CTNNBL1: variants seen among roughly 807,000 people sequenced by gnomAD.
CTNNBL1 encodes beta-catenin-like protein 1.
A neutral mutation model predicts 72.7 loss-of-function variants in CTNNBL1; 31 were observed. The observed-to-expected ratio is 0.43, with a 90% CI of 0.32 to 0.58. The LOEUF (loss-of-function observed/expected upper bound fraction) is 0.58, where lower values mean the gene tolerates loss of function less well. Ranked by LOEUF, CTNNBL1 falls within the 20% of genes least tolerant of loss-of-function variation. CTNNBL1 has a pLI of 0.08. For missense variants in CTNNBL1, 534 were observed against 725.1 expected (o/e 0.74, Z 3.03); for synonymous variants, 240 against 267.3 (o/e 0.90, Z 1.00).
At chr20:37,759,635 A>G (rs1382875374) in intron 5 of CTNNBL1, among the ~76,000 whole-genome samples, 1 of 152,028 alleles carries the variant, frequency 6.6e-6, no homozygotes, top group Non-Finnish European at 1.5e-5. Context: ...TATTTTTATT[A>G]TTATTATATT....
chr20:37,701,499 A>G (rs2072841996), intron 1 of CTNNBL1, among the ~76,000 whole-genome samples: 1 of 152,224 alleles, frequency 6.6e-6, no homozygotes. Context: ...CTCTATGAAT[A>G]AAAGTATTAT....
intron 11 of CTNNBL1, among the ~76,000 whole-genome samples, chr20:37,804,135 G>T (rs2071931210): frequency 6.6e-6 from 1 of 152,112 alleles, no homozygotes; most frequent in Non-Finnish European, 1.5e-5. Context: ...CAAATACTGT[G>T]GCCTAGAGAC....
chr20:37,776,534 A>G (rs1463720437), intron 7 of CTNNBL1, among the ~76,000 whole-genome samples: 1 of 152,206 alleles, frequency 6.6e-6, no homozygotes, highest in East Asian at 1.9e-4. Flanking sequence ...TTTAAGGATC[A>G]TGGGCACCAT....
At chr20:37,694,433 C>T (rs1321017164) in intron 1 of CTNNBL1, among the ~76,000 whole-genome samples, 1 of 152,048 alleles carries the variant, frequency 6.6e-6, no homozygotes, top group Non-Finnish European at 1.5e-5. Flanking sequence ...CTTTTTTTCA[C>T]AACCATGTCC....
intron 4 of CTNNBL1, chr20:37,751,581 CAG>C (rs1356915635): frequency 6.6e-6 from 1 of 152,160 alleles, no homozygotes; most frequent in Non-Finnish European, 1.5e-5. Context: ...TTTAGACCAA[CAG>C]GGATCAACTG....
chr20:37,860,281 AG>A lies in CTNNBL1; in HGVS notation c.1543del (p.Val515PhefsTer5). 6.2e-7 allele frequency: 1 copy of A among 1,614,072 alleles called. No individual in the cohort carries two copies. The highest frequency in any genetic ancestry group is 8.5e-7 in the Non-Finnish European group (1 of 1,179,912). ...CNANVPQIRQ[R>X]VHQILNMRGS... ...TTTTTTCCCTTATTAGATTCGCCAG[AG>A]GGTTCACCAGATCCTAAACATGCGA... is the stretch of plus-strand genomic sequence containing the variant. On this transcript the variant is annotated frameshift_variant, in exon 15 of 16. Coordinates refer to ENST00000361383, the MANE Select transcript of CTNNBL1 (RefSeq NM_030877.5). LOFTEE classifies it high-confidence loss of function.
chr20:37,867,052 G>A (rs1442449463), intron 15 of CTNNBL1, among the ~76,000 whole-genome samples: 5 of 152,158 alleles, frequency 3.3e-5, no homozygotes, highest in Non-Finnish European at 7.4e-5. Context: ...CTCTGTAAGT[G>A]GGTTTCATTT....
chr20:37,727,839 G>A (rs1321293919), intron 1 of CTNNBL1, among the ~76,000 whole-genome samples: 1 of 152,154 alleles, frequency 6.6e-6, no homozygotes, highest in Non-Finnish European at 1.5e-5. Context: ...TCCCTTTGGT[G>A]AAATCAGTTT....
intron 15 of CTNNBL1, among the ~76,000 whole-genome samples, chr20:37,863,584 C>T (rs1368328019): frequency 6.6e-6 from 1 of 152,102 alleles, no homozygotes; most frequent in African/African-American, 2.4e-5. Context: ...ATGCAGTGGC[C>T]TTGGGGAGGA....
At chr20:37,862,194 G>A (rs764164251) in intron 15 of CTNNBL1, among the ~76,000 whole-genome samples, 2 of 152,130 alleles carry the variant, frequency 1.3e-5, no homozygotes, top group Non-Finnish European at 2.9e-5. Flanking sequence ...TCAGATTCGC[G>A]TGAATTACTG....
At chr20:37,718,570 C>T (rs577988315) in intron 1 of CTNNBL1, among the ~76,000 whole-genome samples, 20 of 142,868 alleles carry the variant, frequency 1.4e-4, no homozygotes, top group South Asian at 6.9e-4. Flanking sequence ...CCCGACAGGG[C>T]GGATGGCCGG....
At position 37,854,571 on chromosome 20, in the gene CTNNBL1, A is replaced by G. The variant is rs568385342; in HGVS notation, c.1393-5328A>G. Among the ~76,000 whole-genome samples, 4 of 140,470 alleles carry G rather than the reference A, an allele frequency of 2.8e-5. No individual in the cohort carries two copies. In the South Asian group the frequency reaches 1.0e-3, roughly 36 times the overall value. 92.2% of individuals were successfully genotyped at this position (140,470 alleles called of 152,430 possible). A position where few individuals can be genotyped will look rare whatever the true frequency, so the allele number is the denominator to read the frequency against. Reference sequence around the variant, plus strand: ...TCTCAATATTATTATTATTATTATTATTATTATTATTATTATTATTATTAT... The same window carrying G: ...TCTCAATATTATTATTATTATTATTGTTATTATTATTATTATTATTATTAT... On this transcript the variant is annotated intron_variant, in intron 13 of 15. Transcript: ENST00000361383.
intron 11 of CTNNBL1, among the ~76,000 whole-genome samples, chr20:37,814,869 G>T (rs2072041311): frequency 6.6e-6 from 1 of 152,108 alleles, no homozygotes; most frequent in African/African-American, 2.4e-5. Flanking sequence ...GAAGATTTTT[G>T]AATGGTGGGT....
chr20:37,696,068 G>A (rs897877689), intron 1 of CTNNBL1, among the ~76,000 whole-genome samples: 17 of 152,158 alleles, frequency 1.1e-4, no homozygotes, highest in African/African-American at 3.6e-4. Flanking sequence ...TTCTAGAATG[G>A]CTAGCCCATT....
intron 13 of CTNNBL1, among the ~76,000 whole-genome samples, chr20:37,855,391 G>C (rs977873819): frequency 6.6e-6 from 1 of 152,036 alleles, no homozygotes; most frequent in African/African-American, 2.4e-5. Flanking sequence ...CTTTATAATA[G>C]TCATTATTAC....
rs116743208 is a variant in CTNNBL1, at chr20:37,761,462, G to C, written c.565-3735G>C. 6.0e-3 allele frequency among the ~76,000 whole-genome samples: 909 copies of C among 152,216 alleles called. 6 individuals are homozygous for C. Among genetic ancestry groups the C allele is most frequent in the African/African-American group, 0.021 (867 of 41,524 alleles). ...TTGGCCAGGTTTATGTTGCTGTAAG[G>C]GTACTTACTATGAAAATTCCTGGAT... On this transcript the variant is annotated intron_variant, in intron 5 of 15. Transcript: ENST00000361383.
chr20:37,842,455 C>CT (rs1568806303), intron 13 of CTNNBL1, 36 bp downstream of exon 13: 3 of 1,488,800 alleles, frequency 2.0e-6, no homozygotes, highest in African/African-American at 2.8e-5. Context: ...CAGCTATTGA[C>CT]TTGCCCTCCG....
rs543070535 is a variant in CTNNBL1 at position 37,850,816 on chromosome 20, G to A, written c.1392+8397G>A. On this transcript the variant is annotated intron_variant, in intron 13 of 15. Coordinates refer to ENST00000361383, the MANE Select transcript of CTNNBL1 (RefSeq NM_030877.5). The stretch of plus-strand genomic sequence containing the variant: ...ACTGGAGACCCGAGTGGAGGCTTCA[G>A]GTTTCGGCTCTGAGTCATGTCCCGT... Among the ~76,000 whole-genome samples the A allele has an allele frequency of 2.0e-5, 3 of 152,350 alleles. No homozygotes were observed. In the South Asian group the frequency reaches 6.2e-4, roughly 32 times the overall value.
chr20:37,859,931 T>C lies in CTNNBL1; in HGVS notation c.1425T>C (p.Asn475=), dbSNP rs749095809. 1.2e-6 allele frequency: 2 copies of C among 1,614,208 alleles called. No individual in the cohort carries two copies. Among genetic ancestry groups the C allele is most frequent in the East Asian group, 4.5e-5 (2 of 44,890 alleles). The change falls in exon 14 of 16, where the codon AAT becomes AAC. Residue 475 remains asparagine (N), a synonymous_variant. Transcript: ENST00000361383. ...DMVRRGEIID[N]DTEEEFYLRR... The stretch of plus-strand genomic sequence containing the variant: ...TCCGGCGAGGAGAGATCATCGACAA[T>C]GACACCGAGGAGGAGTTCTACCTCC...
Sources: allele counts gnomAD v4.1 joint callset (sites outside exome capture counted in the v4.1 genomes callset), GRCh38; gene constraint gnomAD v4.1.1; transcripts MANE v1.5; gene names NCBI Gene and HGNC (gene_info 2026-07-23, HGNC 2026-07-21).